The following DCC variants were observed in gnomAD, a reference collection of about 807,000 sequenced individuals.
DCC encodes the protein netrin receptor DCC.
In DCC, 58 loss-of-function variants were observed where a neutral mutation model predicts 172.5. The observed-to-expected ratio is 0.34, with a 90% CI of 0.27 to 0.42. The LOEUF is 0.42. Among genes scored for constraint, DCC ranks in the 10% least tolerant of loss-of-function variants. The pLI, the probability that DCC is intolerant of heterozygous loss-of-function variation, is 1.00. For synonymous variants in DCC, 709 were observed against 644.5 expected, an observed-to-expected ratio of 1.10 and a Z score of -1.52; for missense variants, 1,740 against 1,791.0, an observed-to-expected ratio of 0.97 and a Z score of 0.51.
intron 1 of DCC, among the ~76,000 whole-genome samples, chr18:52,372,814 T>G (rs985419518): frequency 3.3e-5 from 5 of 152,328 alleles, no homozygotes; most frequent in Non-Finnish European, 7.3e-5. Flanking sequence ...ATTTGATTTG[T>G]ATACCTCGGG....
At chr18:53,001,925 T>A (rs879772243) in intron 5 of DCC, among the ~76,000 whole-genome samples, 30 of 152,018 alleles carry the variant, frequency 2.0e-4, no homozygotes, top group Non-Finnish European at 3.7e-4. Context: ...ATTACTGGAG[T>A]AGTAAAAGAA....
intron 23 of DCC, among the ~76,000 whole-genome samples, chr18:53,452,503 A>G (rs2045426555): frequency 6.6e-6 from 1 of 152,152 alleles, no homozygotes; most frequent in Non-Finnish European, 1.5e-5. Context: ...TCAATGTGCA[A>G]AAGTGGGATT....
chr18:52,782,648 C>G (rs2037569237), intron 2 of DCC, among the ~76,000 whole-genome samples: 10 of 152,038 alleles, frequency 6.6e-5, no homozygotes. Flanking sequence ...CTTTCTTCCT[C>G]CATGTGTATT....
chr18:52,523,811 A>T (rs1479156107), intron 1 of DCC, among the ~76,000 whole-genome samples: 1 of 152,224 alleles, frequency 6.6e-6, no homozygotes, highest in Non-Finnish European at 1.5e-5. Flanking sequence ...AAGTTTGTTT[A>T]TTAATACCAG....
intron 1 of DCC, among the ~76,000 whole-genome samples, chr18:52,453,498 G>C (rs1010318870): frequency 2.0e-5 from 3 of 152,032 alleles, no homozygotes; most frequent in Non-Finnish European, 2.9e-5. Context: ...CCCATAAAAG[G>C]TTTTCATTAC....
At chr18:53,529,030 T>TCACA (rs1311461602) in intron 28 of DCC, among the ~76,000 whole-genome samples, 2 of 65,516 alleles carry the variant, frequency 3.1e-5, no homozygotes, top group African/African-American at 1.6e-4. Flanking sequence ...TCTCTCTCTC[T>TCACA]CTCTCTCTCA....
chr18:52,978,482 C>T (rs2041158488), intron 5 of DCC, among the ~76,000 whole-genome samples: 1 of 152,098 alleles, frequency 6.6e-6, no homozygotes, highest in East Asian at 1.9e-4. Context: ...GAGTACCGAA[C>T]AATTTTCTAA....
chr18:52,919,317 T>TA (rs1278871413), intron 3 of DCC, among the ~76,000 whole-genome samples: 2 of 152,182 alleles, frequency 1.3e-5, no homozygotes, highest in African/African-American at 4.8e-5. Flanking sequence ...TAGAGAATAT[T>TA]AAAAAATTTT....
chr18:53,192,235 C>T (rs930977225), intron 9 of DCC, among the ~76,000 whole-genome samples: 1 of 152,042 alleles, frequency 6.6e-6, no homozygotes, highest in Non-Finnish European at 1.5e-5. Flanking sequence ...TCAGCGAAAT[C>T]GCAAAGTGAA....
At position 52,856,072 on chromosome 18, in the gene DCC, T is replaced by C. The variant is rs568936158; in HGVS notation, c.413-49972T>C. Among the ~76,000 whole-genome samples, 6 of 151,500 alleles carry C rather than the reference T, an allele frequency of 4.0e-5. No homozygotes were observed. In the East Asian group the frequency reaches 7.9e-4, roughly 20 times the overall value. ...GAGCCACCGCGCCCCGCCATTAGAG[T>C]CTAAATTCTTATGGTGGCTTGTTTA... is the stretch of plus-strand genomic sequence containing the variant. On this transcript the variant is annotated intron_variant, in intron 2 of 28. Coordinates refer to ENST00000442544, the MANE Select transcript of DCC (RefSeq NM_005215.4).
At chr18:53,476,626 A>G (rs1287505515) in intron 25 of DCC, among the ~76,000 whole-genome samples, 3 of 152,014 alleles carry the variant, frequency 2.0e-5, no homozygotes, top group African/African-American at 7.2e-5. Flanking sequence ...TTTTTTTTGT[A>G]AATTGTGCAG....
intron 9 of DCC, among the ~76,000 whole-genome samples, chr18:53,189,149 G>C (rs986046476): frequency 3.3e-5 from 5 of 151,816 alleles, no homozygotes; most frequent in African/African-American, 1.2e-4. Context: ...TATATATTAT[G>C]TTTGTATGTA....
At chr18:52,960,447 C>T (rs548182114) in intron 5 of DCC, among the ~76,000 whole-genome samples, 4 of 152,210 alleles carry the variant, frequency 2.6e-5, no homozygotes, top group African/African-American at 9.6e-5. Context: ...GCTGTCTCTA[C>T]TTTACTAATT....
chr18:53,105,872 A>G (rs192239757), intron 7 of DCC, among the ~76,000 whole-genome samples: 79 of 151,534 alleles, frequency 5.2e-4, no homozygotes, highest in African/African-American at 1.8e-3. Context: ...AGTGTGACCA[A>G]CTTTTGAATG....
At chr18:52,627,121 C>T (rs2034589184) in intron 1 of DCC, among the ~76,000 whole-genome samples, 1 of 152,178 alleles carries the variant, frequency 6.6e-6, no homozygotes, top group African/African-American at 2.4e-5. Flanking sequence ...TTACATCTTA[C>T]TTCTGCAGAG....
intron 5 of DCC, among the ~76,000 whole-genome samples, chr18:52,965,617 G>C (rs114204865): frequency 2.0e-5 from 3 of 152,100 alleles, no homozygotes; most frequent in African/African-American, 7.2e-5. Context: ...TCTTCAGAAA[G>C]GTATTTGGTT....
chr18:52,843,354 T>C (rs552543919), intron 2 of DCC, among the ~76,000 whole-genome samples: 1 of 152,188 alleles, frequency 6.6e-6, no homozygotes, highest in African/African-American at 2.4e-5. Flanking sequence ...ATGACATCTA[T>C]ACCTACCTAT....
At chr18:52,372,761 G>T (rs569037437) in intron 1 of DCC, among the ~76,000 whole-genome samples, 2 of 152,176 alleles carry the variant, frequency 1.3e-5, no homozygotes, top group South Asian at 4.1e-4. Context: ...TATTTTGACG[G>T]TGCAAAACCC....
chr18:52,727,111 A>G (rs916338834), intron 1 of DCC, among the ~76,000 whole-genome samples: 6 of 152,202 alleles, frequency 3.9e-5, no homozygotes, highest in African/African-American at 1.4e-4. Context: ...TGTCACAGCA[A>G]TAATAGATAT....
Sources: gnomAD v4.1 joint callset for allele counts (sites outside exome capture counted in the v4.1 genomes callset) on GRCh38, gnomAD v4.1.1 for gene constraint, MANE v1.5 for transcripts, NCBI Gene and HGNC (gene_info 2026-07-23, HGNC 2026-07-21) for gene names.